Variants in AGTPBP1 observed in about 807,000 individuals in gnomAD.
The protein encoded by AGTPBP1 is ATP/GTP binding carboxypeptidase 1.
Under a neutral mutation model 143.9 loss-of-function variants are expected in AGTPBP1, and 70 were observed. That is an observed-to-expected ratio of 0.49 (90% CI 0.40 to 0.59). AGTPBP1 has a LOEUF of 0.59. Among genes scored for constraint, AGTPBP1 ranks in the 20% least tolerant of loss-of-function variants. AGTPBP1 has a pLI of 0.00. For synonymous variants in AGTPBP1, 463 were observed against 500.2 expected (o/e 0.93, Z 0.99); for missense variants, 1,229 against 1,464.5 (o/e 0.84, Z 2.62).
chr9:85,563,292 A>G (rs1299552544), intron 25 of AGTPBP1, among the ~76,000 whole-genome samples: 3 of 152,210 alleles, frequency 2.0e-5, no homozygotes, highest in Admixed American at 2.0e-4. Flanking sequence ...AAAGGGATAC[A>G]TGGCTGTGAA....
At chr9:85,713,979 A>G (rs1837544766) in intron 1 of AGTPBP1, among the ~76,000 whole-genome samples, 1 of 152,226 alleles carries the variant, frequency 6.6e-6, no homozygotes, top group Non-Finnish European at 1.5e-5. Flanking sequence ...TGCTGCCACA[A>G]ACAGAAGAAA....
chr9:85,787,124 T>C, the AGTPBP1 span, among the ~76,000 whole-genome samples: 1 of 152,154 alleles, frequency 6.6e-6, no homozygotes, highest in African/African-American at 2.4e-5. Context: ...AAATGGTCAG[T>C]CTTGACTTTT....
At position 85,657,774 on chromosome 9, in the gene AGTPBP1, A is replaced by G; in HGVS notation, c.701-131T>C. On this transcript the variant is annotated intron_variant, in intron 9 of 25. Transcript: ENST00000357081. ...ATTCTTTTTTCCAAAACAAATGACA[A>G]GCACATATTTATATTTTTTCTAACA... The G allele has an allele frequency of 5.1e-6, 3 of 582,916 alleles. No individual in the cohort carries two copies. The South Asian group carries it at 1.1e-4, about 21-fold the overall frequency. The allele number at this position is 582,916 out of a possible 1,614,324, so 36.1% of individuals were successfully genotyped here.
intron 1 of AGTPBP1, among the ~76,000 whole-genome samples, chr9:85,735,949 A>G (rs762415940): frequency 1.3e-5 from 2 of 152,216 alleles, no homozygotes; most frequent in Non-Finnish European, 2.9e-5. Context: ...AGGCAAAGAC[A>G]GCAAGTGCCT....
the AGTPBP1 span, among the ~76,000 whole-genome samples, chr9:85,754,295 C>CATT: frequency 2.0e-5 from 3 of 151,132 alleles, no homozygotes; most frequent in Non-Finnish European, 4.4e-5. Context: ...GGGTTCACAC[C>CATT]ATTCTCTGCC....
chr9:85,694,689 C>T (rs923725709), intron 2 of AGTPBP1, among the ~76,000 whole-genome samples: 1 of 152,180 alleles, frequency 6.6e-6, no homozygotes, highest in African/African-American at 2.4e-5. Flanking sequence ...TCCCAGCCCA[C>T]TTCTCTTCAC....
chr9:85,759,445 C>A, the AGTPBP1 span, among the ~76,000 whole-genome samples: 1 of 151,334 alleles, frequency 6.6e-6, no homozygotes, highest in African/African-American at 2.4e-5. Flanking sequence ...TGCAATCAAA[C>A]TAGAACTCAG....
chr9:85,730,779 T>C (rs998711540), intron 1 of AGTPBP1, among the ~76,000 whole-genome samples: 1 of 152,228 alleles, frequency 6.6e-6, no homozygotes, highest in Non-Finnish European at 1.5e-5. Context: ...ATATCTGCTA[T>C]TCCTATATTC....
chr9:85,677,605 AT>A, intron 5 of AGTPBP1, 23 bp from the exon 6 acceptor site: 5 of 1,462,186 alleles, frequency 3.4e-6, no homozygotes, highest in Non-Finnish European at 4.6e-6. Context: ...AAAAAAAAAA[AT>A]TTAAACAACA....
intron 14 of AGTPBP1, among the ~76,000 whole-genome samples, chr9:85,625,894 A>AT (rs750313974): frequency 4.5e-4 from 61 of 137,020 alleles, no homozygotes; most frequent in Admixed American, 1.6e-3. Context: ...CAAAAAAAAA[A>AT]CCTAGTTTTG....
chr9:85,623,756 C>CA (rs529304682), intron 14 of AGTPBP1, among the ~76,000 whole-genome samples: 1,444 of 83,664 alleles, frequency 0.017, 19 homozygotes, highest in African/African-American at 0.045. Flanking sequence ...GACTCTGTCT[C>CA]AAAAAAAAAA....
intron 3 of AGTPBP1, among the ~76,000 whole-genome samples, chr9:85,690,131 T>G (rs1007594837): frequency 6.6e-6 from 1 of 151,960 alleles, no homozygotes; most frequent in Admixed American, 6.6e-5. Flanking sequence ...TCTGTCAATC[T>G]GACTACTGAA....
chr9:85,574,010 C>T (rs574448041), intron 25 of AGTPBP1, among the ~76,000 whole-genome samples: 1 of 151,896 alleles, frequency 6.6e-6, no homozygotes, highest in Non-Finnish European at 1.5e-5. Context: ...ATGACAATGG[C>T]GGTTTTGTGG....
intron 8 of AGTPBP1, among the ~76,000 whole-genome samples, chr9:85,666,310 A>G (rs962011811): frequency 6.6e-6 from 1 of 152,152 alleles, no homozygotes; most frequent in Admixed American, 6.6e-5. Context: ...ACCTAAAATT[A>G]AAAAGGAGAG....
intron 6 of AGTPBP1, among the ~76,000 whole-genome samples, chr9:85,675,589 T>C (rs890418123): frequency 2.0e-5 from 3 of 152,190 alleles, no homozygotes; most frequent in African/African-American, 7.2e-5. Context: ...ATTGCATGTA[T>C]CCTTTACAAA....
chr9:85,730,808 T>G (rs1838830468), intron 1 of AGTPBP1, among the ~76,000 whole-genome samples: 1 of 152,188 alleles, frequency 6.6e-6, no homozygotes, highest in Non-Finnish European at 1.5e-5. Context: ...TATCTTTACT[T>G]CTCACTGGTA....
chr9:85,745,047 A>G (rs1053063784), upstream of AGTPBP1, among the ~76,000 whole-genome samples: 1 of 152,230 alleles, frequency 6.6e-6, no homozygotes, highest in Non-Finnish European at 1.5e-5. Context: ...GGATTCCTCT[A>G]TTCAGTCCAG....
At chr9:85,698,087 T>A (rs1314344965) in intron 2 of AGTPBP1, among the ~76,000 whole-genome samples, 1 of 151,800 alleles carries the variant, frequency 6.6e-6, no homozygotes, top group Non-Finnish European at 1.5e-5. Flanking sequence ...TTTTAAAAGG[T>A]CATCTTTTTT....
the AGTPBP1 span, among the ~76,000 whole-genome samples, chr9:85,754,598 TA>T: frequency 6.6e-6 from 1 of 152,158 alleles, no homozygotes; most frequent in Non-Finnish European, 1.5e-5. Context: ...AAGAAAGTCA[TA>T]ATCCACAAAC....
Sources: allele counts gnomAD v4.1 joint callset (sites outside exome capture counted in the v4.1 genomes callset), GRCh38; gene constraint gnomAD v4.1.1; transcripts MANE v1.5; gene names NCBI Gene and HGNC (gene_info 2026-07-23, HGNC 2026-07-21).